FMN2: variants seen among roughly 807,000 people sequenced by gnomAD.
The protein encoded by FMN2 is formin 2.
Under a neutral mutation model 142.3 loss-of-function variants are expected in FMN2, and 51 were observed. The observed-to-expected ratio is 0.36, with a 90% CI of 0.29 to 0.45. FMN2 has a LOEUF of 0.45. FMN2 is among the 20% of genes least tolerant of loss of function. The pLI is 1.00. For synonymous variants in FMN2, 882 were observed against 869.8 expected (o/e 1.01, Z -0.25); for missense variants, 1,936 against 2,122.8 (o/e 0.91, Z 1.73).
At chr1:240,363,692 T>C (rs1465374429) in intron 14 of FMN2, among the ~76,000 whole-genome samples, 1 of 151,848 alleles carries the variant, frequency 6.6e-6, no homozygotes, top group Non-Finnish European at 1.5e-5. Context: ...CCTGTGAAGC[T>C]CTCAAGGTCC....
At chr1:240,245,713 T>C in intron 6 of FMN2, 1 of 431,732 alleles carries the variant, frequency 2.3e-6, no homozygotes, top group South Asian at 1.7e-5. Context: ...TTTATCTTTC[T>C]CATGGAGAAA....
intron 14 of FMN2, among the ~76,000 whole-genome samples, chr1:240,388,567 GCCAGT>G (rs1558466415): frequency 6.6e-6 from 1 of 152,062 alleles, no homozygotes; most frequent in Non-Finnish European, 1.5e-5. Context: ...GATGCCCTTG[GCCAGT>G]GATGTCCATT....
At chr1:240,366,535 C>CTTT (rs1672673682) in intron 14 of FMN2, among the ~76,000 whole-genome samples, 1 of 107,164 alleles carries the variant, frequency 9.3e-6, no homozygotes, top group African/African-American at 4.0e-5. Context: ...CCTATTCTAT[C>CTTT]CTTTTTTTTT....
chr1:240,122,116 A>AGTTT, intron 1 of FMN2, among the ~76,000 whole-genome samples: 1 of 150,968 alleles, frequency 6.6e-6, no homozygotes, highest in South Asian at 2.1e-4. Context: ...GAGACAGGCA[A>AGTTT]CACTCTTGTT....
chr1:240,221,788 T>A (rs1169692454), intron 6 of FMN2, among the ~76,000 whole-genome samples: 1 of 151,816 alleles, frequency 6.6e-6, no homozygotes, highest in Non-Finnish European at 1.5e-5. Context: ...GGTGTTTTAA[T>A]CATGAAGACT....
At chr1:240,160,782 G>A (rs1664244603) in intron 2 of FMN2, among the ~76,000 whole-genome samples, 1 of 151,836 alleles carries the variant, frequency 6.6e-6, no homozygotes, top group African/African-American at 2.4e-5. Flanking sequence ...ATAAGAAATT[G>A]GAGAAGAAAT....
At chr1:240,369,933 T>C (rs1013042701) in intron 14 of FMN2, among the ~76,000 whole-genome samples, 3 of 152,160 alleles carry the variant, frequency 2.0e-5, no homozygotes, top group African/African-American at 2.4e-5. Flanking sequence ...GGGATTCCTA[T>C]GTGAGAGAGT....
chr1:240,275,288 G>A (rs1241278165), intron 7 of FMN2, among the ~76,000 whole-genome samples: 1 of 150,880 alleles, frequency 6.6e-6, no homozygotes, highest in East Asian at 2.0e-4. Context: ...CCCTCTCTGT[G>A]TCCATGTGTT....
In FMN2 at chr1:240,355,853, C is replaced by T. The variant is rs1672247893; in HGVS notation, c.4803C>T (p.Ser1601=). ...AAGCAGGGAAAGTATACCAGGTCTC[C>T]TCAAAAGAGCATATGCAGCCTTTCA... ...EVEAGKVYQV[S]SKEHMQPFKE... is the part of the protein sequence containing the mutation. The change falls in exon 14 of 18, where the codon TCC becomes TCT. Residue 1601 remains serine, a synonymous_variant. Coordinates refer to ENST00000319653, the MANE Select transcript of FMN2 (RefSeq NM_020066.5). 1 of 1,604,396 alleles carries T rather than the reference C, an allele frequency of 6.2e-7. No homozygotes were observed. Among genetic ancestry groups the T allele is most frequent in the South Asian group, 1.1e-5 (1 of 90,706 alleles).
In FMN2 at chr1:240,334,372, G is replaced by A. The variant is rs531143360; in HGVS notation, c.4765+143G>A. The A allele has an allele frequency of 2.3e-4, 231 of 1,004,746 alleles. 1 individual carries two copies. The African/African-American group carries it at 3.4e-3, about 15-fold the overall frequency. The allele number at this position is 1,004,746 out of a possible 1,614,324, so 62.2% of individuals were successfully genotyped here. ...GTGTGTGTGGCGAAAGAACAATTTT[G>A]CCTATATTCTTATTCTTTGGTTGTT... On this transcript the variant is annotated intron_variant, in intron 13 of 17. Transcript: ENST00000319653.
In FMN2 at chr1:240,208,569, A is replaced by G. The variant is rs1480059574; in HGVS notation, c.3757A>G (p.Thr1253Ala). ...PPLLPQVGSS[T>A]LPTPQVCGFL... is the part of the protein sequence containing the mutation. Reference sequence around the variant, plus strand: ...ACTCCTCCCACAAGTTGGGAGTAGCACTTTACCAACCCCACAGGTGTGTGG... The same window carrying G: ...ACTCCTCCCACAAGTTGGGAGTAGCGCTTTACCAACCCCACAGGTGTGTGG... Residue 1253 changes from threonine to alanine, a missense_variant, in exon 5 of 18, where the codon ACT (threonine) becomes GCT (alanine). By Grantham distance (58) the Thr-to-Ala change is moderately conservative. Coordinates refer to ENST00000319653, the MANE Select transcript of FMN2 (RefSeq NM_020066.5). 2 of 1,613,038 alleles carry G rather than the reference A, an allele frequency of 1.2e-6. No homozygotes were observed. Among genetic ancestry groups the G allele is most frequent in the African/African-American group, 1.3e-5 (1 of 74,538 alleles).
intron 15 of FMN2, among the ~76,000 whole-genome samples, chr1:240,434,186 T>G (rs990767419): frequency 1.3e-5 from 2 of 152,202 alleles, no homozygotes; most frequent in African/African-American, 4.8e-5. Context: ...ATCTTTTAAC[T>G]ACTACCTCTT....
intron 16 of FMN2, among the ~76,000 whole-genome samples, chr1:240,441,395 A>G (rs1173254837): frequency 6.6e-6 from 1 of 152,130 alleles, no homozygotes; most frequent in Non-Finnish European, 1.5e-5. Flanking sequence ...GTCATTTAAG[A>G]GTGTGAAACT....
intron 14 of FMN2, among the ~76,000 whole-genome samples, chr1:240,382,330 G>A (rs1200269731): frequency 6.8e-6 from 1 of 146,650 alleles, no homozygotes; most frequent in African/African-American, 2.5e-5. Flanking sequence ...TGTGTAGATG[G>A]CACAAATAAA....
chr1:240,396,643 C>G (rs192190731), intron 15 of FMN2, among the ~76,000 whole-genome samples: 3 of 152,156 alleles, frequency 2.0e-5, no homozygotes, highest in Admixed American at 2.0e-4. Flanking sequence ...GTCTGCTGTT[C>G]CCATGCTTAT....
At chr1:240,271,098 G>GCTTTTTT (rs1233218686) in intron 7 of FMN2, among the ~76,000 whole-genome samples, 26 of 72,234 alleles carry the variant, frequency 3.6e-4, no homozygotes, top group South Asian at 9.8e-4. Flanking sequence ...TTCCACGATG[G>GCTTTTTT]TTTTTTTTTT....
chr1:240,340,049 T>C (rs1671696222), intron 13 of FMN2, among the ~76,000 whole-genome samples: 1 of 152,104 alleles, frequency 6.6e-6, no homozygotes, highest in Non-Finnish European at 1.5e-5. Context: ...TTCTTCTAAA[T>C]AAGATGAATG....
chr1:240,249,730 A>C (rs927141718), intron 6 of FMN2, among the ~76,000 whole-genome samples: 1 of 152,140 alleles, frequency 6.6e-6, no homozygotes, highest in African/African-American at 2.4e-5. Flanking sequence ...CTTCCTGTCC[A>C]TGAGCATGGA....
intron 2 of FMN2, chr1:240,154,722 T>G (rs1191937767): frequency 2.0e-5 from 3 of 152,236 alleles, no homozygotes; most frequent in Non-Finnish European, 4.4e-5. Flanking sequence ...TAACTGATTC[T>G]GAACAATCAA....
Sources: allele counts gnomAD v4.1 joint callset (sites outside exome capture counted in the v4.1 genomes callset), GRCh38; gene constraint gnomAD v4.1.1; transcripts MANE v1.5; gene names NCBI Gene and HGNC (gene_info 2026-07-23, HGNC 2026-07-21).